Variants in GPATCH2 observed in about 807,000 individuals in gnomAD.
GPATCH2 encodes G patch domain-containing protein 2.
In GPATCH2, 51 loss-of-function variants were observed where a neutral mutation model predicts 58.0. The observed-to-expected ratio is 0.88, with a 90% confidence interval of 0.70 to 1.11. GPATCH2 has a LOEUF of 1.11. Among genes scored for constraint, GPATCH2 ranks in the 50% most tolerant of loss-of-function variants. GPATCH2 has a pLI of 0.00. For synonymous variants in GPATCH2, 222 were observed against 218.5 expected (o/e 1.02, Z -0.14); for missense variants, 625 against 652.2 (o/e 0.96, Z 0.45).
Position 217,610,923 on chromosome 1 carries a change from A to C in GPATCH2, c.984T>G (p.Gly328=). 6.2e-7 allele frequency: 1 copy of C among 1,613,590 alleles called. No homozygotes were observed. Among genetic ancestry groups the C allele is most frequent in the Non-Finnish European group, 8.5e-7 (1 of 1,179,788 alleles). The change falls in exon 4 of 10, where the codon GGT becomes GGG. Residue 328 remains glycine, a synonymous_variant. Coordinates refer to ENST00000366935, the MANE Select transcript of GPATCH2 (RefSeq NM_018040.5). ...PDPVFESILT[G]SFPLMSHPSR... ...TTGGGTGTGACATAAGGGGAAAAGA[A>C]CCAGTTAAGATACTTTCAAAGACAG... is the stretch of plus-strand genomic sequence containing the variant.
At chr1:217,592,417 T>C (rs1204183055) in intron 5 of GPATCH2, among the ~76,000 whole-genome samples, 1 of 151,906 alleles carries the variant, frequency 6.6e-6, no homozygotes, top group African/African-American at 2.4e-5. Context: ...AAAATTTATA[T>C]AATAGCACAG....
intron 5 of GPATCH2, chr1:217,609,153 T>A: frequency 5.2e-6 from 5 of 957,804 alleles, no homozygotes; most frequent in Non-Finnish European, 6.2e-6. Context: ...AGAACTCAAA[T>A]GGCTGAACTT....
At chr1:217,496,231 C>A (rs547980976) in intron 7 of GPATCH2, among the ~76,000 whole-genome samples, 1 of 152,166 alleles carries the variant, frequency 6.6e-6, no homozygotes, top group Non-Finnish European at 1.5e-5. Context: ...ATTCCATACA[C>A]CTACTTGCTA....
intron 5 of GPATCH2, among the ~76,000 whole-genome samples, chr1:217,586,166 A>G (rs1025422059): frequency 6.6e-6 from 1 of 152,160 alleles, no homozygotes; most frequent in African/African-American, 2.4e-5. Flanking sequence ...AAGCTACACT[A>G]AATTTATTTT....
intron 5 of GPATCH2, among the ~76,000 whole-genome samples, chr1:217,566,880 T>A (rs1254299067): frequency 1.3e-5 from 2 of 152,210 alleles, no homozygotes; most frequent in Non-Finnish European, 2.9e-5. Flanking sequence ...TTCACAATTT[T>A]AAAAATGATA....
At chr1:217,567,728 T>C (rs1248337998) in intron 5 of GPATCH2, among the ~76,000 whole-genome samples, 1 of 152,226 alleles carries the variant, frequency 6.6e-6, no homozygotes, top group African/African-American at 2.4e-5. Flanking sequence ...AGTAATTCTA[T>C]TGAAGTAACT....
intron 8 of GPATCH2, among the ~76,000 whole-genome samples, chr1:217,485,074 T>C (rs978475503): frequency 6.6e-6 from 1 of 152,114 alleles, no homozygotes; most frequent in Non-Finnish European, 1.5e-5. Flanking sequence ...AATGGAGAAG[T>C]AGGAAAGTTG....
intron 9 of GPATCH2, among the ~76,000 whole-genome samples, chr1:217,435,877 C>A (rs1004169981): frequency 8.5e-5 from 13 of 152,098 alleles, no homozygotes; most frequent in African/African-American, 2.9e-4. Flanking sequence ...TATAGAAATG[C>A]TTCACTAATT....
chr1:217,495,792 G>C (rs1661975633), intron 7 of GPATCH2, among the ~76,000 whole-genome samples: 1 of 152,140 alleles, frequency 6.6e-6, no homozygotes, highest in African/African-American at 2.4e-5. Context: ...TAAAAATAGA[G>C]AGTCCTCAAT....
chr1:217,631,076 C>T lies in GPATCH2; in HGVS notation c.-105G>A. On this transcript the variant is annotated 5_prime_UTR_variant, in exon 1 of 10. Transcript: ENST00000366935. ...GAGCAGTTCAGCATTTTGAGATGAG[C>T]TTCCGGAAGCCGACAGGCGGCGGAA... The T allele has an allele frequency of 8.9e-7, 1 of 1,125,850 alleles. No homozygotes were observed. 69.7% of individuals were successfully genotyped at this position (1,125,850 alleles called of 1,614,324 possible).
chr1:217,492,368 A>T (rs1004952134), intron 7 of GPATCH2: 1 of 152,146 alleles, frequency 6.6e-6, no homozygotes, highest in Non-Finnish European at 1.5e-5. Context: ...ACTTCCCTTT[A>T]CACTTGCTTT....
intron 5 of GPATCH2, among the ~76,000 whole-genome samples, chr1:217,568,368 G>C (rs1011625123): frequency 1.3e-5 from 2 of 152,060 alleles, no homozygotes; most frequent in Non-Finnish European, 2.9e-5. Context: ...TAAGGCCATG[G>C]GCACAGAGCT....
chr1:217,497,842 CTG>C (rs1662087532), intron 7 of GPATCH2, among the ~76,000 whole-genome samples: 1 of 152,034 alleles, frequency 6.6e-6, no homozygotes, highest in Non-Finnish European at 1.5e-5. Flanking sequence ...GTAAAAATAA[CTG>C]TAATGAATGT....
rs71967714 is a variant in GPATCH2 at position 217,433,382 on chromosome 1, A to ATATT, written c.1367-2021_1367-2018dup. 6.2e-3 allele frequency among the ~76,000 whole-genome samples: 489 copies of ATATT among 78,698 alleles called. 5 individuals are homozygous for ATATT. Among genetic ancestry groups the ATATT allele is most frequent in the South Asian group, 0.03 (86 of 2,824 alleles). 51.6% of individuals were successfully genotyped at this position (78,698 alleles called of 152,430 possible). ...TGTTCATATATATATATATATATATATATTTATTTATTTATTTATTTATTT... is the reference window on the plus strand; with the variant it reads ...TGTTCATATATATATATATATATATATATTTATTTATTTATTTATTTATTTATTT... On this transcript the variant is annotated intron_variant, in intron 9 of 9. Coordinates refer to ENST00000366935, the MANE Select transcript of GPATCH2 (RefSeq NM_018040.5).
intron 5 of GPATCH2, among the ~76,000 whole-genome samples, chr1:217,544,893 G>T (rs1664953265): frequency 6.6e-6 from 1 of 152,056 alleles, no homozygotes; most frequent in Non-Finnish European, 1.5e-5. Flanking sequence ...CTAGTAAAAT[G>T]AAAGAAATGT....
chr1:217,431,084 T>C lies in GPATCH2; in HGVS notation c.*61A>G. The C allele has an allele frequency of 3.4e-6, 3 of 876,046 alleles. No homozygotes were observed. The highest frequency in any genetic ancestry group is 5.9e-6 in the Non-Finnish European group (3 of 511,216). The allele number at this position is 876,046 out of a possible 1,614,324, so 54.3% of individuals were successfully genotyped here. On this transcript the variant is annotated 3_prime_UTR_variant, in exon 10 of 10. Coordinates refer to ENST00000366935, the MANE Select transcript of GPATCH2 (RefSeq NM_018040.5). ...TGCTTCAAAAACAGAAGTCATGTTA[T>C]CATTTTAGAACAATGGGACATAGTG...
chr1:217,542,679 T>C (rs1346574818), intron 5 of GPATCH2, among the ~76,000 whole-genome samples: 1 of 152,292 alleles, frequency 6.6e-6, no homozygotes, highest in Non-Finnish European at 1.5e-5. Context: ...AAACATCTAT[T>C]TCCTTTTAAA....
chr1:217,442,763 T>C (rs265130), intron 9 of GPATCH2, among the ~76,000 whole-genome samples: 28,334 of 152,152 alleles, frequency 0.19, 2,996 homozygotes, highest in African/African-American at 0.29. Flanking sequence ...GTAAAAAGCA[T>C]ATACTGAGTT....
intron 5 of GPATCH2, chr1:217,609,579 C>T (rs1189832246): frequency 3.0e-6 from 3 of 984,638 alleles, no homozygotes; most frequent in Non-Finnish European, 3.6e-6. Context: ...AGAAAGGAAG[C>T]TGAACAAAAT....
Sources: allele counts gnomAD v4.1 joint callset (sites outside exome capture counted in the v4.1 genomes callset), GRCh38; gene constraint gnomAD v4.1.1; transcripts MANE v1.5; gene names NCBI Gene and HGNC (gene_info 2026-07-23, HGNC 2026-07-21).